Variants in EYA4 observed in about 807,000 individuals in gnomAD.
The protein encoded by EYA4 is EYA transcriptional coactivator and phosphatase 4.
In EYA4, 31 loss-of-function variants were observed where a neutral mutation model predicts 87.9. The ratio of observed to expected loss-of-function variants is 0.35; its 90% CI spans 0.27 to 0.48. The LOEUF is 0.48. Among genes scored for constraint, EYA4 ranks in the 20% least tolerant of loss-of-function variants. The probability of loss-of-function intolerance (pLI) is 0.99; values close to 1 mark genes in which losing one functional copy is unlikely to be tolerated. For synonymous variants in EYA4, 263 were observed against 270.6 expected (o/e 0.97, Z 0.28); for missense variants, 678 against 761.4 (o/e 0.89, Z 1.29).
chr6:133,365,223 A>G (rs1268273149), intron 2 of EYA4, among the ~76,000 whole-genome samples: 2 of 152,166 alleles, frequency 1.3e-5, no homozygotes, highest in Non-Finnish European at 2.9e-5. Context: ...CAAACCTTGT[A>G]TCCTTGAGTC....
chr6:133,337,384 TA>T (rs572396034), intron 2 of EYA4, among the ~76,000 whole-genome samples: 52 of 152,276 alleles, frequency 3.4e-4, no homozygotes, highest in Non-Finnish European at 6.6e-4. Context: ...ATATTGTTAA[TA>T]GGGGAATAAG....
chr6:133,343,515 A>G (rs1782955380), intron 2 of EYA4, among the ~76,000 whole-genome samples: 1 of 151,376 alleles, frequency 6.6e-6, no homozygotes, highest in Non-Finnish European at 1.5e-5. Context: ...CCTAGCAGAT[A>G]GCCTCCCCCT....
intron 10 of EYA4, among the ~76,000 whole-genome samples, chr6:133,466,777 A>T (rs1794881455): frequency 6.6e-6 from 1 of 151,724 alleles, no homozygotes; most frequent in African/African-American, 2.4e-5. Context: ...TGAACTTAAA[A>T]AAAAAAAAAA....
intron 3 of EYA4, among the ~76,000 whole-genome samples, chr6:133,395,662 G>A (rs1787723046): frequency 6.6e-6 from 1 of 152,228 alleles, no homozygotes; most frequent in Non-Finnish European, 1.5e-5. Context: ...TCAGCAGGCT[G>A]AGACAGAAGA....
intron 3 of EYA4, among the ~76,000 whole-genome samples, chr6:133,405,525 T>C (rs1238714312): frequency 6.6e-6 from 1 of 152,198 alleles, no homozygotes; most frequent in Non-Finnish European, 1.5e-5. Context: ...TATATTCTAT[T>C]TCCTATGTAT....
At chr6:133,361,183 A>G (rs574518578) in intron 2 of EYA4, among the ~76,000 whole-genome samples, 1 of 152,190 alleles carries the variant, frequency 6.6e-6, no homozygotes, top group Admixed American at 6.5e-5. Context: ...TCCCTTTTCA[A>G]GGATGTTTGT....
intron 9 of EYA4, among the ~76,000 whole-genome samples, chr6:133,463,007 G>A (rs1396052387): frequency 6.6e-6 from 1 of 152,118 alleles, no homozygotes; most frequent in Admixed American, 6.6e-5. Context: ...AGGAAACCAA[G>A]TCCAAGCAAA....
chr6:133,482,949 G>A, intron 12 of EYA4, 83 bp from the exon 13 acceptor site: 1 of 1,119,528 alleles, frequency 8.9e-7, no homozygotes, highest in East Asian at 2.4e-5. Flanking sequence ...ATGATCTCTA[G>A]GAAGGGAGAC....
chr6:133,317,589 TAA>T (rs1356434617), intron 2 of EYA4, among the ~76,000 whole-genome samples: 2 of 152,198 alleles, frequency 1.3e-5, no homozygotes, highest in Non-Finnish European at 2.9e-5. Context: ...CTTAGATTAA[TAA>T]GTGTAAAAAT....
At chr6:133,446,834 A>C (rs1792890945) in intron 4 of EYA4, 80 bp downstream of exon 4, 6 of 1,245,740 alleles carry the variant, frequency 4.8e-6, no homozygotes, top group Non-Finnish European at 5.9e-6. Context: ...TCTGCTAATA[A>C]ATAAATATCT....
chr6:133,295,450 A>G (rs186614499), intron 2 of EYA4, among the ~76,000 whole-genome samples: 2 of 152,316 alleles, frequency 1.3e-5, no homozygotes, highest in Admixed American at 6.5e-5. Context: ...ACTGTTAAGG[A>G]GGGAGATAGA....
At chr6:133,290,644 C>T (rs1256185946) in intron 2 of EYA4, among the ~76,000 whole-genome samples, 3 of 152,178 alleles carry the variant, frequency 2.0e-5, no homozygotes, top group African/African-American at 4.8e-5. Flanking sequence ...ATCTCCTTTT[C>T]GTATTGCCAT....
chr6:133,498,308 T>C (rs953869268), intron 13 of EYA4, among the ~76,000 whole-genome samples: 4 of 152,188 alleles, frequency 2.6e-5, no homozygotes. Flanking sequence ...CTAGTACCCA[T>C]GTGACCTTGA....
At chr6:133,269,080 G>A (rs1776469196) in intron 1 of EYA4, among the ~76,000 whole-genome samples, 1 of 152,086 alleles carries the variant, frequency 6.6e-6, no homozygotes, top group Non-Finnish European at 1.5e-5. Flanking sequence ...CCAACATGGT[G>A]AGACCCTGTC....
At chr6:133,339,094 A>G (rs897110174) in intron 2 of EYA4, among the ~76,000 whole-genome samples, 1 of 152,140 alleles carries the variant, frequency 6.6e-6, no homozygotes, top group East Asian at 1.9e-4. Context: ...CTGGCCACAA[A>G]CTTGTCATAT....
At chr6:133,464,923 G>T in intron 10 of EYA4, 65 bp downstream of exon 10, 1 of 1,072,576 alleles carries the variant, frequency 9.3e-7, no homozygotes, top group Non-Finnish European at 1.4e-6. Context: ...GTACTCTCAG[G>T]TTGCCATATA....
At position 133,481,463 on chromosome 6, in the gene EYA4, G is replaced by A. The variant is rs1331510993; in HGVS notation, c.971G>A (p.Gly324Glu). Reference protein sequence around the residue: ...ESLPGLTNQPGEFDTMQSPST... With the variant: ...ESLPGLTNQPEEFDTMQSPST... ...TTGACCTAAGTCATGTTATCTATAG[G>A]AGAGTTCGATACCATGCAGAGTCCC... Residue 324 changes from glycine to glutamate, a missense_variant and splice_region_variant, in exon 12 of 20, where the codon GGA becomes GAA. By Grantham distance (98) the Gly-to-Glu change is moderately conservative. Coordinates refer to ENST00000355286, the MANE Select transcript of EYA4 (RefSeq NM_004100.5). 1 of 1,613,426 alleles carries A rather than the reference G, an allele frequency of 6.2e-7. No homozygotes were observed. Among genetic ancestry groups the A allele is most frequent in the Non-Finnish European group, 8.5e-7 (1 of 1,179,636 alleles).
chr6:133,297,221 C>T (rs1779011567), intron 2 of EYA4, among the ~76,000 whole-genome samples: 1 of 152,044 alleles, frequency 6.6e-6, no homozygotes. Flanking sequence ...TTGTCTTGAA[C>T]TTTATTTGTG....
At chr6:133,480,646 A>G (rs868616402) in intron 11 of EYA4, among the ~76,000 whole-genome samples, 2 of 152,208 alleles carry the variant, frequency 1.3e-5, no homozygotes, top group South Asian at 4.1e-4. Flanking sequence ...GTCAATTAAC[A>G]CATTGATTAC....
Sources: allele counts gnomAD v4.1 joint callset (sites outside exome capture counted in the v4.1 genomes callset), GRCh38; gene constraint gnomAD v4.1.1; transcripts MANE v1.5; gene names NCBI Gene and HGNC (gene_info 2026-07-23, HGNC 2026-07-21).